Variants in NTN1 observed in about 807,000 individuals in gnomAD.
NTN1 encodes netrin 1.
NTN1 carries 11 observed loss-of-function variants against 54.2 expected under a neutral mutation model. The observed-to-expected ratio is 0.20, with a 90% CI of 0.13 to 0.34. The LOEUF is 0.34. Ranked by LOEUF, NTN1 falls within the 10% of genes least tolerant of loss-of-function variation. NTN1 has a pLI of 1.00. For synonymous variants in NTN1, 371 were observed against 382.0 expected (o/e 0.97, Z 0.33); for missense variants, 740 against 893.1 (o/e 0.83, Z 2.18).
Position 9,239,507 on chromosome 17 carries a change from G to C in NTN1, c.1487-133G>C. 1.3e-6 allele frequency: 1 copy of C among 785,158 alleles called. No individual in the cohort carries two copies. The allele number at this position is 785,158 out of a possible 1,614,324, so 48.6% of individuals were successfully genotyped here. A position where few individuals can be genotyped will look rare whatever the true frequency, so the allele number is the denominator to read the frequency against. ...CTACGATCAGCTTGCCACCACCCAC[G>C]CGCTCCTGTATGGGCCACTCTGTGC... On this transcript the variant is annotated intron_variant, in intron 6 of 6. Transcript: ENST00000173229. This position sits in a 1 kb window ranked among gnomAD's most constrained non-coding sequence, Gnocchi z 5.2.
At chr17:9,136,595 A>G (rs1275221621) in intron 2 of NTN1, among the ~76,000 whole-genome samples, 3 of 151,976 alleles carry the variant, frequency 2.0e-5, no homozygotes, top group Non-Finnish European at 4.4e-5. Context: ...ACAAACAAAA[A>G]AAGAAAAAAA....
At chr17:9,105,820 C>A (rs1043062563) in intron 2 of NTN1, among the ~76,000 whole-genome samples, 2 of 151,758 alleles carry the variant, frequency 1.3e-5, no homozygotes, top group African/African-American at 4.8e-5. Flanking sequence ...TGCAGGTGAG[C>A]TGGATAAGTA....
chr17:9,025,415 G>A (rs1303046702), intron 2 of NTN1, among the ~76,000 whole-genome samples: 1 of 151,954 alleles, frequency 6.6e-6, no homozygotes, highest in Non-Finnish European at 1.5e-5. Flanking sequence ...ATTAGTAACC[G>A]TTTTTGTTCA....
chr17:9,157,753 C>T lies in NTN1; in HGVS notation c.1019-5060C>T, dbSNP rs575789055. 5.0e-4 allele frequency among the ~76,000 whole-genome samples: 76 copies of T among 152,366 alleles called. 1 individual carries two copies. The highest frequency in any genetic ancestry group is 1.7e-3 in the African/African-American group (71 of 41,588). ...AGCCTCAATGGCCTAGGCAGTGCTTCTGTCCTTGCCCCTGCTGGTCCCTCA... is the reference window on the plus strand; with the variant it reads ...AGCCTCAATGGCCTAGGCAGTGCTTTTGTCCTTGCCCCTGCTGGTCCCTCA... On this transcript the variant is annotated intron_variant, in intron 2 of 6. Coordinates refer to ENST00000173229, the MANE Select transcript of NTN1 (RefSeq NM_004822.3).
At chr17:9,188,651 C>A (rs1347161212) in intron 5 of NTN1, among the ~76,000 whole-genome samples, 1 of 152,002 alleles carries the variant, frequency 6.6e-6, no homozygotes, top group Admixed American at 6.6e-5. Flanking sequence ...GAGGGGATGG[C>A]GGAAGTCGTC....
In NTN1 at chr17:9,161,194, G is replaced by T. The variant is rs184253676; in HGVS notation, c.1019-1619G>T. ...TGGGTGCCCACGCCAGGCTGGTGGG[G>T]TGGAGCGGGGCTGGGAAGTAACATT... On this transcript the variant is annotated intron_variant, in intron 2 of 6. Coordinates refer to ENST00000173229, the MANE Select transcript of NTN1 (RefSeq NM_004822.3). Among the ~76,000 whole-genome samples, 382 of 152,282 alleles carry T rather than the reference G, an allele frequency of 2.5e-3. 2 individuals are homozygous for T. The highest frequency in any genetic ancestry group is 9.2e-3 in the Admixed American group (141 of 15,304).
intron 6 of NTN1, among the ~76,000 whole-genome samples, chr17:9,222,303 G>A (rs940234924): frequency 6.6e-6 from 1 of 152,196 alleles, no homozygotes; most frequent in African/African-American, 2.4e-5. Flanking sequence ...CCCAGGAGGT[G>A]CAGCCCCTAT....
intron 2 of NTN1, among the ~76,000 whole-genome samples, chr17:9,094,160 C>G (rs2092122591): frequency 6.6e-6 from 1 of 152,158 alleles, no homozygotes; most frequent in African/African-American, 2.4e-5. Flanking sequence ...TTATAACCTA[C>G]TTTTTAAAAC....
chr17:9,183,003 T>C, intron 5 of NTN1, 34 bp downstream of exon 5: 1 of 1,609,538 alleles, frequency 6.2e-7, no homozygotes. Context: ...ATTTCCCGCT[T>C]TTGCTGGGTG....
At chr17:9,050,139 C>T (rs1045923487) in intron 2 of NTN1, among the ~76,000 whole-genome samples, 27 of 151,056 alleles carry the variant, frequency 1.8e-4, no homozygotes, top group African/African-American at 5.6e-4. Context: ...CCCAGCTACT[C>T]GGGAGGCTGA....
chr17:9,105,648 GTCTCTCTCTCTT>G (rs533500458), intron 2 of NTN1, among the ~76,000 whole-genome samples: 4,646 of 149,870 alleles, frequency 0.031, 95 homozygotes, highest in Non-Finnish European at 0.046. Flanking sequence ...GATCTGTTCT[GTCTCTCTCTCTT>G]TCTCTCTCTC....
At chr17:9,204,290 T>TCTCTCTCTCTC (rs1555576159) in intron 5 of NTN1, among the ~76,000 whole-genome samples, 2 of 143,454 alleles carry the variant, frequency 1.4e-5, no homozygotes, top group Non-Finnish European at 3.0e-5. Context: ...CTCTATCTCT[T>TCTCTCTCTCTC]TCTCTCTCTC....
chr17:9,133,070 G>A (rs1331832236), intron 2 of NTN1, among the ~76,000 whole-genome samples: 37 of 151,942 alleles, frequency 2.4e-4, no homozygotes, highest in Non-Finnish European at 1.5e-4. Context: ...CCACCTTAAC[G>A]GCTGACCACA....
intron 2 of NTN1, among the ~76,000 whole-genome samples, chr17:9,132,389 C>T (rs2092268541): frequency 6.6e-6 from 1 of 152,202 alleles, no homozygotes; most frequent in Non-Finnish European, 1.5e-5. Context: ...TTTGAACCTT[C>T]TACCCAGCGC....
intron 2 of NTN1, among the ~76,000 whole-genome samples, chr17:9,061,455 T>C (rs1314142501): frequency 2.0e-5 from 3 of 152,038 alleles, no homozygotes; most frequent in Non-Finnish European, 4.4e-5. Context: ...ATGGGCAAGG[T>C]GGTGGCCAGG....
In NTN1 at chr17:9,241,952, A is replaced by G. The variant is rs1042638180; in HGVS notation, c.*1984A>G. On this transcript the variant is annotated 3_prime_UTR_variant, in exon 7 of 7. Coordinates refer to ENST00000173229, the MANE Select transcript of NTN1 (RefSeq NM_004822.3). ...GGAGGGTGCTCTTGGGGGAGTGGCCACCGAGCCCCTGGCCCTGGTTACTGC... is the reference window on the plus strand; with the variant it reads ...GGAGGGTGCTCTTGGGGGAGTGGCCGCCGAGCCCCTGGCCCTGGTTACTGC... 1.3e-5 allele frequency: 2 copies of G among 152,240 alleles called. No homozygotes were observed. Among genetic ancestry groups the G allele is most frequent in the African/African-American group, 4.8e-5 (2 of 41,408 alleles). The allele number at this position is 152,240 out of a possible 1,614,324, so 9.4% of individuals were successfully genotyped here. A position where few individuals can be genotyped will look rare whatever the true frequency, so the allele number is the denominator to read the frequency against.
At chr17:9,197,977 C>A (rs1904682631) in intron 5 of NTN1, among the ~76,000 whole-genome samples, 1 of 152,204 alleles carries the variant, frequency 6.6e-6, no homozygotes, top group Admixed American at 6.5e-5. Context: ...CCTGGACTTA[C>A]CCTTCCCTCT....
intron 5 of NTN1, among the ~76,000 whole-genome samples, chr17:9,200,465 G>A (rs754227184): frequency 3.7e-4 from 57 of 152,336 alleles, no homozygotes; most frequent in Admixed American, 2.6e-3. Context: ...AGCCGCAGAC[G>A]GATGGAGGCA....
chr17:9,056,193 A>T (rs1245567734), intron 2 of NTN1, among the ~76,000 whole-genome samples: 1 of 152,150 alleles, frequency 6.6e-6, no homozygotes, highest in Admixed American at 6.5e-5. Context: ...AGTAGCTGGG[A>T]TTACAGGCAT....
Sources: allele counts gnomAD v4.1 joint callset (sites outside exome capture counted in the v4.1 genomes callset), GRCh38; gene constraint gnomAD v4.1.1; non-coding constraint Gnocchi (gnomAD v3.1); transcripts MANE v1.5; gene names NCBI Gene and HGNC (gene_info 2026-07-23, HGNC 2026-07-21).